Variants in SYNE1 observed in about 807,000 individuals in gnomAD.
SYNE1 encodes spectrin repeat containing nuclear envelope protein 1, also known as nesprin-1.
Under a neutral mutation model 1,111.0 loss-of-function variants are expected in SYNE1, and 616 were observed. The observed-to-expected ratio is 0.55, with a 90% confidence interval of 0.52 to 0.59. SYNE1 has a LOEUF of 0.59. Among genes scored for constraint, SYNE1 ranks in the 20% least tolerant of loss-of-function variants. The probability of loss-of-function intolerance (pLI) is 0.00; values close to 1 mark genes in which losing one functional copy is unlikely to be tolerated. For missense variants in SYNE1, 10,006 were observed against 10,417.0 expected (o/e 0.96, Z 1.72); for synonymous variants, 3,855 against 3,825.8 (o/e 1.01, Z -0.28).
At chr6:152,617,920 G>C (rs532878925) in intron 3 of SYNE1, among the ~76,000 whole-genome samples, 1 of 152,112 alleles carries the variant, frequency 6.6e-6, no homozygotes, top group African/African-American at 2.4e-5. Context: ...TTGTTCGGGG[G>C]ATTGCAACAC....
chr6:152,446,155 G>C (rs1365177471), intron 29 of SYNE1, among the ~76,000 whole-genome samples: 1 of 118,830 alleles, frequency 8.4e-6, no homozygotes, highest in Admixed American at 9.8e-5. Context: ...TTACAAGCTT[G>C]TCTGTGAATA....
intron 3 of SYNE1, among the ~76,000 whole-genome samples, chr6:152,544,616 G>A (rs2099297778): frequency 6.6e-6 from 1 of 151,820 alleles, no homozygotes. Context: ...TATTTTCTCA[G>A]TGTTTTGCCA....
intron 93 of SYNE1, among the ~76,000 whole-genome samples, chr6:152,295,623 C>G (rs1362834523): frequency 6.6e-6 from 1 of 152,014 alleles, no homozygotes; most frequent in Non-Finnish European, 1.5e-5. Context: ...CTGACACACA[C>G]ACACACACAT....
intron 41 of SYNE1, among the ~76,000 whole-genome samples, chr6:152,415,600 C>T (rs922826267): frequency 6.6e-6 from 1 of 152,090 alleles, no homozygotes; most frequent in Admixed American, 6.5e-5. Context: ...ACTAGGATCA[C>T]TACCTTTCTC....
intron 66 of SYNE1, 100 bp downstream of exon 66, chr6:152,358,273 G>C: frequency 6.7e-7 from 1 of 1,500,414 alleles, no homozygotes; most frequent in Non-Finnish European, 9.2e-7. Flanking sequence ...GTATCAACTA[G>C]CCACTGGACT....
At chr6:152,201,659 A>G (rs1440564281) in intron 127 of SYNE1, among the ~76,000 whole-genome samples, 165 bp downstream of exon 127, 1 of 152,222 alleles carries the variant, frequency 6.6e-6, no homozygotes, top group East Asian at 1.9e-4. Flanking sequence ...ATCAACTGCA[A>G]TAAATCAGCC....
At chr6:152,504,007 T>C (rs1479158968) in intron 9 of SYNE1, among the ~76,000 whole-genome samples, 1 of 152,172 alleles carries the variant, frequency 6.6e-6, no homozygotes, top group East Asian at 1.9e-4. Context: ...GAATGTCTTA[T>C]ATCTAGGATA....
chr6:152,409,520 T>A, intron 43 of SYNE1, 39 bp downstream of exon 43: 1 of 1,610,236 alleles, frequency 6.2e-7, no homozygotes, highest in Non-Finnish European at 8.5e-7. Context: ...CCAGATCTAC[T>A]AAAGCAGAAT....
At chr6:152,154,117 C>T (rs2060920408) in intron 133 of SYNE1, among the ~76,000 whole-genome samples, 2 of 152,158 alleles carry the variant, frequency 1.3e-5, no homozygotes, top group Non-Finnish European at 2.9e-5. Flanking sequence ...TTAGTGGGAA[C>T]TGAAGGGAAA....
At position 152,342,284 on chromosome 6, in the gene SYNE1, G is replaced by A. The variant is rs79306367; in HGVS notation, c.12225+1797C>T. 7.2e-3 allele frequency among the ~76,000 whole-genome samples: 1,098 copies of A among 152,316 alleles called. 12 individuals are homozygous for A. The highest frequency in any genetic ancestry group is 0.025 in the African/African-American group (1,044 of 41,560). On this transcript the variant is annotated intron_variant, in intron 74 of 145. Transcript: ENST00000367255. ...CTCTTTTATTTCTTTTTTGGTAACA[G>A]AGGAGAAAGATTAAGTGTTGGTCTG...
At position 152,399,700 on chromosome 6, in the gene SYNE1, G is replaced by A; in HGVS notation, c.7153C>T (p.Leu2385=). 1 of 1,614,122 alleles carries A rather than the reference G, an allele frequency of 6.2e-7. No homozygotes were observed. Among genetic ancestry groups the A allele is most frequent in the South Asian group, 1.1e-5 (1 of 91,082 alleles). The change falls in exon 48 of 146, where the codon CTG becomes TTG. Residue 2385 remains leucine, a synonymous_variant. Transcript: ENST00000367255. ...LESLGRAMTG[L]IKKHEAVSQL... ...CTCACGGCTTCATGTTTCTTTATCAGACCAGTCATTGCACGGCCCAGGCTC... is the reference window on the plus strand; with the variant it reads ...CTCACGGCTTCATGTTTCTTTATCAAACCAGTCATTGCACGGCCCAGGCTC...
rs1434575914 is a variant in SYNE1, at chr6:152,321,190, A to G, written c.16236+48T>C. 3.1e-6 allele frequency: 5 copies of G among 1,607,350 alleles called. No homozygotes were observed. The East Asian group carries it at 8.9e-5, about 29-fold the overall frequency. On this transcript the variant is annotated intron_variant, in intron 84 of 145. Transcript: ENST00000367255. Reference sequence around the variant, plus strand: ...CAAGAACTCTCACACAAGAGGACTGACCCTATAAACAAAATGGAAAGACAC... The same window carrying G: ...CAAGAACTCTCACACAAGAGGACTGGCCCTATAAACAAAATGGAAAGACAC...
chr6:152,284,985 T>A (rs970408117), intron 95 of SYNE1, among the ~76,000 whole-genome samples: 1 of 152,124 alleles, frequency 6.6e-6, no homozygotes, highest in Admixed American at 6.5e-5. Context: ...TCCCGGGTGA[T>A]GTCTTCCATT....
chr6:152,620,443 T>C (rs962668684), intron 3 of SYNE1, among the ~76,000 whole-genome samples: 1 of 152,186 alleles, frequency 6.6e-6, no homozygotes, highest in Non-Finnish European at 1.5e-5. Flanking sequence ...GTTACATACA[T>C]ATACTCAACT....
chr6:152,201,768 A>T, intron 127 of SYNE1, 56 bp downstream of exon 127: 2 of 1,613,310 alleles, frequency 1.2e-6, no homozygotes, highest in East Asian at 4.5e-5. Flanking sequence ...ATGGCCCCAA[A>T]GACATTCCAG....
chr6:152,608,013 A>G (rs1269792003), intron 3 of SYNE1, among the ~76,000 whole-genome samples: 1 of 152,074 alleles, frequency 6.6e-6, no homozygotes, highest in Non-Finnish European at 1.5e-5. Flanking sequence ...GAGAGGAACA[A>G]CACACACTGG....
At chr6:152,201,972 T>C (rs751268603) in intron 126 of SYNE1, 23 bp from the exon 127 acceptor site, 4 of 1,613,138 alleles carry the variant, frequency 2.5e-6, no homozygotes, top group Admixed American at 1.7e-5. Context: ...TAAAAACAAA[T>C]AGCATAGATG....
intron 127 of SYNE1, among the ~76,000 whole-genome samples, chr6:152,199,745 C>A (rs1016334616): frequency 6.6e-6 from 1 of 152,174 alleles, no homozygotes; most frequent in Non-Finnish European, 1.5e-5. Flanking sequence ...CTGTCTGAGG[C>A]TAACTTCCCA....
In SYNE1 at chr6:152,428,089, G is replaced by GA. The variant is rs35511623; in HGVS notation, c.4976+115dup. On this transcript the variant is annotated intron_variant, in intron 37 of 145. Transcript: ENST00000367255. Reference sequence around the variant, plus strand: ...CAAAGATCAAGAGTTTCCTACAGTAGACCCACAAGTTCACGTCTTTTGCAT... The same window carrying GA: ...CAAAGATCAAGAGTTTCCTACAGTAGAACCCACAAGTTCACGTCTTTTGCAT... 36,537 of 1,393,598 alleles carry GA rather than the reference G, an allele frequency of 0.026. 619 individuals are homozygous for GA. Among genetic ancestry groups the GA allele is most frequent in the Non-Finnish European group, 0.032 (32,253 of 993,456 alleles). The allele number at this position is 1,393,598 out of a possible 1,614,324, so 86.3% of individuals were successfully genotyped here.
Sources: gnomAD v4.1 joint callset for allele counts (sites outside exome capture counted in the v4.1 genomes callset) on GRCh38, gnomAD v4.1.1 for gene constraint, MANE v1.5 for transcripts, NCBI Gene and HGNC (gene_info 2026-07-23, HGNC 2026-07-21) for gene names.